The following STK32B variants were observed in gnomAD, a reference collection of about 807,000 sequenced individuals.
The protein encoded by STK32B is serine/threonine kinase 32B.
Under a neutral mutation model 52.6 loss-of-function variants are expected in STK32B, and 43 were observed. The observed-to-expected ratio is 0.82, with a 90% CI of 0.64 to 1.05. The LOEUF is 1.05. Among genes scored for constraint, STK32B ranks in the 50% least tolerant of loss-of-function variants. The probability of loss-of-function intolerance (pLI) is 0.00; values close to 1 mark genes in which losing one functional copy is unlikely to be tolerated. For synonymous variants in STK32B, 238 were observed against 204.3 expected (o/e 1.17, Z -1.41); for missense variants, 621 against 534.6 (o/e 1.16, Z -1.59).
At position 5,468,025 on chromosome 4, in the gene STK32B, G is replaced by A. The variant is rs747179105; in HGVS notation, c.1061G>A (p.Cys354Tyr). Residue 354 changes from cysteine (C) to tyrosine (Y), a missense_variant, in exon 11 of 12, where the codon TGT (cysteine) becomes TAT (tyrosine). Cys to Tyr is a radical substitution (Grantham distance 194). Transcript: ENST00000282908. ...SCPLNGHLQH[C>Y]LETVREEFII... ...TGACAGAATGGACACCTGCAGCACT[G>A]TTTGGAGACTGTCCGGGAGGAATTC... 9 of 1,614,168 alleles carry A rather than the reference G, an allele frequency of 5.6e-6. No homozygotes were observed. The highest frequency in any genetic ancestry group is 6.8e-6 in the Non-Finnish European group (8 of 1,180,006).
chr4:5,345,831 T>C (rs1412341592), intron 4 of STK32B, among the ~76,000 whole-genome samples: 3 of 152,252 alleles, frequency 2.0e-5, no homozygotes, highest in Non-Finnish European at 4.4e-5. Context: ...ATGACTCTCA[T>C]GGAAAAATGA....
intron 3 of STK32B, among the ~76,000 whole-genome samples, chr4:5,307,965 C>G (rs1476662191): frequency 6.6e-6 from 1 of 151,986 alleles, no homozygotes; most frequent in African/African-American, 2.4e-5. Context: ...CTGCAGAGTT[C>G]TATGATGTGA....
At chr4:5,368,614 C>G (rs1323454221) in intron 4 of STK32B, among the ~76,000 whole-genome samples, 2 of 152,148 alleles carry the variant, frequency 1.3e-5, no homozygotes, top group Admixed American at 1.3e-4. Context: ...GATGTAAACC[C>G]AGGTAGCCTT....
At chr4:5,384,262 G>A (rs914921826) in intron 4 of STK32B, among the ~76,000 whole-genome samples, 1 of 152,202 alleles carries the variant, frequency 6.6e-6, no homozygotes, top group African/African-American at 2.4e-5. Flanking sequence ...CTGCCCTGGT[G>A]AGCATGGGCT....
chr4:5,183,891 A>G (rs1198738864), intron 3 of STK32B, among the ~76,000 whole-genome samples: 1 of 152,138 alleles, frequency 6.6e-6, no homozygotes, highest in East Asian at 1.9e-4. Context: ...AGCCTTCATA[A>G]AATTGAAGAG....
intron 3 of STK32B, among the ~76,000 whole-genome samples, chr4:5,316,785 A>AT (rs1491391728): frequency 0.048 from 16 of 332 alleles, 1 homozygote; most frequent in Admixed American, 0.17. Flanking sequence ...TATATATTAT[A>AT]CATATATATT....
Position 5,181,263 on chromosome 4 carries a change from A to G in STK32B, c.260+12813A>G, listed in dbSNP as rs189688372. On this transcript the variant is annotated intron_variant, in intron 3 of 11. Transcript: ENST00000282908. ...GAGGTAATTACAGCTGAATGAAGTC[A>G]TAACAGTGAGGCATTAATCTGATAG... Among the ~76,000 whole-genome samples, 48 of 152,160 alleles carry G rather than the reference A, an allele frequency of 3.2e-4. No individual in the cohort carries two copies. The East Asian group carries it at 8.9e-3, about 28-fold the overall frequency.
chr4:5,268,253 C>G (rs888674347), intron 3 of STK32B, among the ~76,000 whole-genome samples: 1 of 152,214 alleles, frequency 6.6e-6, no homozygotes, highest in East Asian at 1.9e-4. Flanking sequence ...TTCAAGCAAT[C>G]TAACCCCTGC....
At chr4:5,094,511 G>A (rs1713271379) in intron 1 of STK32B, among the ~76,000 whole-genome samples, 1 of 152,050 alleles carries the variant, frequency 6.6e-6, no homozygotes, top group African/African-American at 2.4e-5. Flanking sequence ...AAAACTAGGT[G>A]GGCATGGTGG....
chr4:5,315,029 T>TAAAAGAC (rs566271244), intron 3 of STK32B, among the ~76,000 whole-genome samples: 237 of 152,084 alleles, frequency 1.6e-3, no homozygotes, highest in Non-Finnish European at 1.9e-3. Context: ...TGAAGAGGAT[T>TAAAAGAC]AAAAGACAAG....
intron 3 of STK32B, among the ~76,000 whole-genome samples, chr4:5,172,356 G>C (rs150052119): frequency 0.029 from 4,384 of 152,244 alleles, 91 homozygotes; most frequent in Admixed American, 0.046. Flanking sequence ...TTGAATAGGA[G>C]TGGTGAGAGA....
chr4:5,033,912 A>C, the STK32B span, among the ~76,000 whole-genome samples: 1 of 152,196 alleles, frequency 6.6e-6, no homozygotes, highest in African/African-American at 2.4e-5. Flanking sequence ...ATGCAAATAC[A>C]TGGAAACTCA....
chr4:5,259,392 G>A (rs1014328963), intron 3 of STK32B, among the ~76,000 whole-genome samples: 2 of 152,308 alleles, frequency 1.3e-5, no homozygotes, highest in South Asian at 4.1e-4. Flanking sequence ...CAGAGGCAGA[G>A]TAGCTTTGTG....
intron 1 of STK32B, among the ~76,000 whole-genome samples, chr4:5,073,184 T>C (rs914187734): frequency 1.3e-5 from 2 of 152,104 alleles, no homozygotes; most frequent in African/African-American, 4.8e-5. Context: ...GATTTAATTC[T>C]ACCACCTTGC....
chr4:5,456,832 C>T lies in STK32B; in HGVS notation c.692C>T (p.Thr231Met), dbSNP rs1202515538. ...AGGCCGTACGAAATCCACTCGGTCA[C>T]GCCCATCGATGAAATCCTCAACATG... ...GWRPYEIHSV[T>M]PIDEILNMFK... is the part of the protein sequence containing the mutation. The change falls in exon 8 of 12, where the codon ACG becomes ATG. Residue 231 changes from threonine to methionine, a missense_variant. Coordinates refer to ENST00000282908, the MANE Select transcript of STK32B (RefSeq NM_018401.3). 14 of 1,595,036 alleles carry T rather than the reference C, an allele frequency of 8.8e-6. No homozygotes were observed. The highest frequency in any genetic ancestry group is 1.7e-4 in the Middle Eastern group (1 of 6,022).
At chr4:5,213,732 G>C (rs1723031118) in intron 3 of STK32B, among the ~76,000 whole-genome samples, 1 of 152,138 alleles carries the variant, frequency 6.6e-6, no homozygotes, top group Non-Finnish European at 1.5e-5. Flanking sequence ...TACTTAAGCT[G>C]TTTGCTCCTT....
intron 6 of STK32B, among the ~76,000 whole-genome samples, chr4:5,439,689 C>T (rs1714515348): frequency 6.6e-6 from 1 of 152,298 alleles, no homozygotes; most frequent in South Asian, 2.1e-4. Context: ...TTGCCTATGT[C>T]CTGAATGGTA....
At position 5,168,574 on chromosome 4, in the gene STK32B, T is replaced by C. The variant is rs1042392056; in HGVS notation, c.260+124T>C. On this transcript the variant is annotated intron_variant, in intron 3 of 11. Transcript: ENST00000282908. The stretch of plus-strand genomic sequence containing the variant: ...AAGGGATGCAATTTTCTGGGTTCAG[T>C]TATTCTTAAGTATTTTGTAGAGTAC... 11 of 1,191,994 alleles carry C rather than the reference T, an allele frequency of 9.2e-6. No individual in the cohort carries two copies. The South Asian group carries it at 1.2e-4, about 13-fold the overall frequency. 73.8% of individuals were successfully genotyped at this position (1,191,994 alleles called of 1,614,324 possible).
At position 5,320,078 on chromosome 4, in the gene STK32B, A is replaced by G. The variant is rs545898081; in HGVS notation, c.261-11142A>G. 2.0e-5 allele frequency among the ~76,000 whole-genome samples: 3 copies of G among 152,292 alleles called. No individual in the cohort carries two copies. The South Asian group carries it at 6.2e-4, about 32-fold the overall frequency. On this transcript the variant is annotated intron_variant, in intron 3 of 11. Coordinates refer to ENST00000282908, the MANE Select transcript of STK32B (RefSeq NM_018401.3). ...GGGTGGAACAGACACTGATGAGCCAATTCAAGTCTCCACTCTACCTAGACG... is the reference window on the plus strand; with the variant it reads ...GGGTGGAACAGACACTGATGAGCCAGTTCAAGTCTCCACTCTACCTAGACG...
Sources: allele counts gnomAD v4.1 joint callset (sites outside exome capture counted in the v4.1 genomes callset), GRCh38; gene constraint gnomAD v4.1.1; transcripts MANE v1.5; gene names NCBI Gene and HGNC (gene_info 2026-07-23, HGNC 2026-07-21).